Variants in PLP2 observed in about 807,000 individuals in gnomAD.
PLP2 encodes the protein A4 differentiation-dependent protein.
Under a neutral mutation model 11.4 loss-of-function variants are expected in PLP2, and 8 were observed. The ratio of observed to expected loss-of-function variants is 0.70; its 90% CI spans 0.41 to 1.27. The LOEUF (loss-of-function observed/expected upper bound fraction) is 1.27, where lower values mean the gene tolerates loss of function less well. Among genes scored for constraint, PLP2 ranks in the 50% most tolerant of loss-of-function variants. The pLI is 0.01. For synonymous variants in PLP2, 50 were observed against 53.2 expected (o/e 0.94, Z 0.26); for missense variants, 127 against 123.5 (o/e 1.03, Z -0.14).
chrX:49,173,029 C>G (rs1474894344), intron 1 of PLP2, 100 bp from the exon 2 acceptor site: 1 of 714,064 alleles, frequency 1.4e-6, no homozygotes, highest in Non-Finnish European at 2.2e-6. Context: ...TGTCATTTCC[C>G]CAGCCCTCGT....
rs782191369 is a variant in PLP2 at position 49,172,112 on chromosome X, C to A, written c.96+16C>A. ...TGCTGAGATTGTGAGCGTTCTGGGG[C>A]AGGCGCGTGGGCAAAAGCGGGATGG... On this transcript the variant is annotated intron_variant, in intron 1 of 4. Coordinates refer to ENST00000376327, the MANE Select transcript of PLP2 (RefSeq NM_002668.3). 169 of 1,121,521 alleles carry A rather than the reference C, an allele frequency of 1.5e-4. No individual in the cohort carries two copies. The Admixed American group carries it at 3.8e-3, about 25-fold the overall frequency. The allele number at this position is 1,121,521 out of a possible 1,213,427, so 92.4% of individuals were successfully genotyped here.
At chrX:49,173,743 C>T in intron 3 of PLP2, 2 of 495,232 alleles carry the variant, frequency 4.0e-6, no homozygotes, top group Non-Finnish European at 6.7e-6. Flanking sequence ...ACTAGACTAC[C>T]ATCTGCAAGA....
At position 49,171,965 on chromosome X, in the gene PLP2, A is replaced by T; in HGVS notation, c.-36A>T. The T allele has an allele frequency of 1.0e-6, 1 of 965,718 alleles. No individual in the cohort carries two copies. The allele number at this position is 965,718 out of a possible 1,213,427, so 79.6% of individuals were successfully genotyped here. On this transcript the variant is annotated 5_prime_UTR_variant, in exon 1 of 5. Transcript: ENST00000376327. ...TCCTCGAAACCACGAGCAAGTGAGC[A>T]GATCCTCCGAGGCACCAGGGACTCC...
chrX:49,174,962 A>G lies in PLP2; in HGVS notation c.*268A>G. On this transcript the variant is annotated 3_prime_UTR_variant, in exon 5 of 5. Coordinates refer to ENST00000376327, the MANE Select transcript of PLP2 (RefSeq NM_002668.3). ...AACCATGCCCCCACCTAAGTCACAA[A>G]ATGAGGGAAGTGGGGAGTTAGATTT... 2.3e-6 allele frequency: 1 copy of G among 434,930 alleles called. No homozygotes were observed. The highest frequency in any genetic ancestry group is 4.0e-5 in the Admixed American group (1 of 25,101). 35.8% of individuals were successfully genotyped at this position (434,930 alleles called of 1,213,427 possible). A position where few individuals can be genotyped will look rare whatever the true frequency, so the allele number is the denominator to read the frequency against.
At position 49,174,817 on chromosome X, in the gene PLP2, C is replaced by G. The variant is rs1287693377; in HGVS notation, c.*123C>G. ...CCACCCCCTCTTTGAGGTAAAAGTG[C>G]CTTTATTGGGAGACTTTTGTCTTCC... On this transcript the variant is annotated 3_prime_UTR_variant, in exon 5 of 5. Transcript: ENST00000376327. The G allele has an allele frequency of 1.6e-6, 1 of 627,267 alleles. No individual in the cohort carries two copies. Among genetic ancestry groups the G allele is most frequent in the Non-Finnish European group, 2.6e-6 (1 of 379,398 alleles). The allele number at this position is 627,267 out of a possible 1,213,427, so 51.7% of individuals were successfully genotyped here.
In PLP2 at chrX:49,173,333, A is replaced by AT. The variant is rs781858759; in HGVS notation, c.250-53dup. The AT allele has an allele frequency of 1.2e-5, 15 of 1,203,602 alleles. No individual in the cohort carries two copies. In the African/African-American group the frequency reaches 2.5e-4, roughly 20 times the overall value. On this transcript the variant is annotated intron_variant, in intron 2 of 4. Transcript: ENST00000376327. ...CCAGGGAGGGGTCTGGGCAGTTAGG[A>AT]TTGTCGGGGAACTGTGGTTGCTGAC...
At chrX:49,173,776 A>T (rs2065400980) in intron 3 of PLP2, 1 of 461,221 alleles carries the variant, frequency 2.2e-6, no homozygotes, top group African/African-American at 2.4e-5. Context: ...ATGTAGTAGA[A>T]ATTGGGGCCG....
At position 49,172,098 on chromosome X, in the gene PLP2, T is replaced by G; in HGVS notation, c.96+2T>G. ...GGAATCCTCCTGTTTGCTGAGATTG[T>G]GAGCGTTCTGGGGCAGGCGCGTGGG... is the stretch of plus-strand genomic sequence containing the variant. On this transcript the variant is annotated splice_donor_variant, in intron 1 of 4. Coordinates refer to ENST00000376327, the MANE Select transcript of PLP2 (RefSeq NM_002668.3). LOFTEE classifies it high-confidence loss of function. The G allele has an allele frequency of 8.5e-7, 1 of 1,173,400 alleles. No individual in the cohort carries two copies. The highest frequency in any genetic ancestry group is 1.8e-5 in the African/African-American group (1 of 57,116).
chrX:49,173,717 G>A, intron 3 of PLP2: 1 of 621,261 alleles, frequency 1.6e-6, no homozygotes, highest in Non-Finnish European at 2.5e-6. Context: ...CAAACAGGCG[G>A]CCCCTTTGTC....
chrX:49,174,614 T>C (rs1403211603), intron 4 of PLP2, 58 bp from the exon 5 acceptor site: 12 of 1,113,217 alleles, frequency 1.1e-5, no homozygotes, highest in Non-Finnish European at 1.5e-5. Flanking sequence ...TTGGATCTTG[T>C]TTTAAAAAAT....
Position 49,173,444 on chromosome X carries a change from C to T in PLP2, c.306C>T (p.Val102=). The T allele has an allele frequency of 8.3e-7, 1 of 1,211,804 alleles. No homozygotes were observed. The highest frequency in any genetic ancestry group is 1.1e-6 in the Non-Finnish European group (1 of 895,558). ...TCTACCTGATCACCTCCATTGTTGT[C>T]CTTGTTGAGAGAGGAAACCACTCCA... ...AILYLITSIV[V]LVERGNHSKI... Residue 102 remains valine, a synonymous_variant, in exon 3 of 5, where the codon GTC becomes GTT. Transcript: ENST00000376327.
chrX:49,174,754 T>C lies in PLP2; in HGVS notation c.*60T>C, dbSNP rs112741092. On this transcript the variant is annotated 3_prime_UTR_variant, in exon 5 of 5. Transcript: ENST00000376327. ...ATAACTCCTCCATTGAAATAACTCC[T>C]CCCCACCCCAACAACAACATTCCCA... 1 of 972,922 alleles carries C rather than the reference T, an allele frequency of 1.0e-6. No individual in the cohort carries two copies. 80.2% of individuals were successfully genotyped at this position (972,922 alleles called of 1,213,427 possible). A position where few individuals can be genotyped will look rare whatever the true frequency, so the allele number is the denominator to read the frequency against.
At chrX:49,174,145 T>A (rs1266590751) in intron 3 of PLP2, among the ~76,000 whole-genome samples, 190 bp from the exon 4 acceptor site, 1 of 110,507 alleles carries the variant, frequency 9.0e-6, no homozygotes, top group Admixed American at 9.5e-5. Context: ...GGCCTCCCTG[T>A]GTTGAGAGGT....
chrX:49,174,341 G>A lies in PLP2; in HGVS notation c.352G>A (p.Gly118Ser), dbSNP rs782564725. The change falls in exon 4 of 5, where the codon GGC becomes AGC. Residue 118 changes from glycine to serine, a missense_variant. Physicochemically the swap from Gly to Ser is moderately conservative, Grantham distance 56. Transcript: ENST00000376327. Reference sequence around the variant, plus strand: ...CTCCTATCCTGTCCCCCAGGTACTGGGCCTAATCGCTACGTGCCTCTTTGG... The same window carrying A: ...CTCCTATCCTGTCCCCCAGGTACTGAGCCTAATCGCTACGTGCCTCTTTGG... ...NHSKIVAGVL[G>S]LIATCLFGYD... 78 of 1,203,916 alleles carry A rather than the reference G, an allele frequency of 6.5e-5. No individual in the cohort carries two copies. In the South Asian group the frequency reaches 1.3e-3, roughly 19 times the overall value.
chrX:49,174,496 C>G, intron 4 of PLP2, 71 bp downstream of exon 4: 1 of 970,750 alleles, frequency 1.0e-6, no homozygotes, highest in Non-Finnish European at 1.5e-6. Context: ...GGAAAGGGAT[C>G]TCTTAAAGGC....
chrX:49,171,912 G>A lies in PLP2; in HGVS notation c.-89G>A, dbSNP rs2065393935. 16 of 667,743 alleles carry A rather than the reference G, an allele frequency of 2.4e-5. No individual in the cohort carries two copies. In the South Asian group the frequency reaches 3.4e-4, roughly 14 times the overall value. The allele number at this position is 667,743 out of a possible 1,213,427, so 55.0% of individuals were successfully genotyped here. ...CCCGGGGCCCCCTTCCCGGCCAGAC[G>A]GCGGGCAAGACAGCTGGGTGTACAG... On this transcript the variant is annotated 5_prime_UTR_variant, in exon 1 of 5. Transcript: ENST00000376327.
At chrX:49,174,535 T>C in intron 4 of PLP2, 110 bp downstream of exon 4, 2 of 857,323 alleles carry the variant, frequency 2.3e-6, no homozygotes, top group South Asian at 4.1e-5. Flanking sequence ...CTCGTATTGG[T>C]ACTTAGGGCT....
rs782730960 is a variant in PLP2 at position 49,173,296 on chromosome X, A to G, written c.249+15A>G. 8.3e-7 allele frequency: 1 copy of G among 1,210,479 alleles called. No individual in the cohort carries two copies. The highest frequency in any genetic ancestry group is 1.1e-6 in the Non-Finnish European group (1 of 894,250). ...GGCCCTGGAGTGTGAGAAGGGGTCC[A>G]CAATGGCAAGACCAGGGAGGGGTCT... On this transcript the variant is annotated intron_variant, in intron 2 of 4. Coordinates refer to ENST00000376327, the MANE Select transcript of PLP2 (RefSeq NM_002668.3).
chrX:49,174,965 G>C lies in PLP2; in HGVS notation c.*271G>C. On this transcript the variant is annotated 3_prime_UTR_variant, in exon 5 of 5. Transcript: ENST00000376327. ...CATGCCCCCACCTAAGTCACAAAAT[G>C]AGGGAAGTGGGGAGTTAGATTTCAG... The C allele has an allele frequency of 2.3e-6, 1 of 436,731 alleles. No individual in the cohort carries two copies. Among genetic ancestry groups the C allele is most frequent in the Non-Finnish European group, 4.0e-6 (1 of 248,897 alleles). 36.0% of individuals were successfully genotyped at this position (436,731 alleles called of 1,213,427 possible).
Sources: gnomAD v4.1 joint callset for allele counts (sites outside exome capture counted in the v4.1 genomes callset) on GRCh38, gnomAD v4.1.1 for gene constraint, MANE v1.5 for transcripts, NCBI Gene and HGNC (gene_info 2026-07-23, HGNC 2026-07-21) for gene names.